Variants in PPARGC1A observed in about 807,000 individuals in gnomAD.
The protein encoded by PPARGC1A is peroxisome proliferator-activated receptor gamma coactivator 1-alpha.
Under a neutral mutation model 88.7 loss-of-function variants are expected in PPARGC1A, and 25 were observed. That is an observed-to-expected ratio of 0.28 (90% CI 0.21 to 0.39). PPARGC1A has a LOEUF of 0.39. Ranked by LOEUF, PPARGC1A falls within the 10% of genes least tolerant of loss-of-function variation. The probability of loss-of-function intolerance (pLI) is 1.00; values close to 1 mark genes in which losing one functional copy is unlikely to be tolerated. For synonymous variants in PPARGC1A, 363 were observed against 355.6 expected (o/e 1.02, Z -0.24); for missense variants, 880 against 968.7 (o/e 0.91, Z 1.22).
chr4:24,268,862 G>A, the PPARGC1A span, among the ~76,000 whole-genome samples: 13 of 152,052 alleles, frequency 8.5e-5, no homozygotes, highest in African/African-American at 1.4e-4. Context: ...TATTTAATCC[G>A]TACATATTTA....
chr4:24,235,736 G>A, the PPARGC1A span, among the ~76,000 whole-genome samples: 1 of 152,182 alleles, frequency 6.6e-6, no homozygotes, highest in East Asian at 1.9e-4. Context: ...TTAAGAAACA[G>A]AATGAATTGA....
chr4:24,456,263 T>C, the PPARGC1A span, among the ~76,000 whole-genome samples: 1 of 152,126 alleles, frequency 6.6e-6, no homozygotes, highest in Admixed American at 6.6e-5. Flanking sequence ...AGGGATGATA[T>C]CCACAGCACA....
At chr4:24,058,993 A>C in the PPARGC1A span, among the ~76,000 whole-genome samples, 1 of 152,170 alleles carries the variant, frequency 6.6e-6, no homozygotes. Context: ...AGAAGAAAAA[A>C]TGACTGTGTT....
At chr4:23,881,376 A>G (rs564136993) in intron 2 of PPARGC1A, 1 of 152,310 alleles carries the variant, frequency 6.6e-6, no homozygotes, top group Admixed American at 6.5e-5. Flanking sequence ...CAGTTACTCA[A>G]CCAACATGTG....
chr4:23,911,290 T>C, the PPARGC1A span, among the ~76,000 whole-genome samples: 3 of 152,196 alleles, frequency 2.0e-5, no homozygotes, highest in African/African-American at 7.2e-5. Flanking sequence ...ATGATCACCT[T>C]TGTCATCTTT....
chr4:24,307,817 C>T, the PPARGC1A span, among the ~76,000 whole-genome samples: 21 of 152,132 alleles, frequency 1.4e-4, no homozygotes, highest in African/African-American at 4.6e-4. Context: ...TTTCCACTAA[C>T]CTGCCCTGCT....
chr4:24,443,845 C>T, the PPARGC1A span, among the ~76,000 whole-genome samples: 135 of 149,996 alleles, frequency 9.0e-4, no homozygotes, highest in Admixed American at 1.5e-3. Flanking sequence ...TGAGCCACCG[C>T]GCCTGGCCCC....
At chr4:23,830,181 G>A (rs1270122083) in intron 3 of PPARGC1A, among the ~76,000 whole-genome samples, 2 of 152,148 alleles carry the variant, frequency 1.3e-5, no homozygotes, top group Non-Finnish European at 2.9e-5. Flanking sequence ...ATAACCTGGT[G>A]TATGAAATTA....
the PPARGC1A span, among the ~76,000 whole-genome samples, chr4:24,110,268 A>C: frequency 6.6e-6 from 1 of 152,156 alleles, no homozygotes; most frequent in Non-Finnish European, 1.5e-5. Flanking sequence ...GTAGTTTAAA[A>C]CACCACCAGA....
At chr4:24,436,819 G>A in the PPARGC1A span, among the ~76,000 whole-genome samples, 95 of 98,152 alleles carry the variant, frequency 9.7e-4, no homozygotes, top group African/African-American at 2.6e-3. Context: ...CCCAGAGCCC[G>A]GGTCACAGAG....
At chr4:24,135,432 C>G in the PPARGC1A span, among the ~76,000 whole-genome samples, 1 of 152,108 alleles carries the variant, frequency 6.6e-6, no homozygotes, top group African/African-American at 2.4e-5. Context: ...CACGGAGAGC[C>G]CTGGCAGGCC....
the PPARGC1A span, among the ~76,000 whole-genome samples, chr4:24,095,612 C>A: frequency 1.3e-5 from 2 of 152,150 alleles, no homozygotes; most frequent in African/African-American, 4.8e-5. Flanking sequence ...GGATTTCCAG[C>A]AACCACCAGA....
the PPARGC1A span, among the ~76,000 whole-genome samples, chr4:24,324,663 T>G: frequency 3.3e-5 from 5 of 152,176 alleles, no homozygotes; most frequent in African/African-American, 1.2e-4. Context: ...ACTTTCAATT[T>G]TTCCATCCTA....
At chr4:24,112,821 G>A in the PPARGC1A span, among the ~76,000 whole-genome samples, 8 of 152,054 alleles carry the variant, frequency 5.3e-5, no homozygotes, top group African/African-American at 1.4e-4. Flanking sequence ...AAAGAACGTC[G>A]AGACCCATCT....
the PPARGC1A span, among the ~76,000 whole-genome samples, chr4:23,987,536 G>A: frequency 4.6e-5 from 7 of 151,890 alleles, no homozygotes; most frequent in East Asian, 5.8e-4. Context: ...TGTCTCTATT[G>A]CCTTAGGGGT....
chr4:24,275,223 CGTTT>C, the PPARGC1A span, among the ~76,000 whole-genome samples: 634 of 63,788 alleles, frequency 9.9e-3, 4 homozygotes, highest in African/African-American at 0.032. Flanking sequence ...TATTTAAATA[CGTTT>C]ACTTACACAC....
the PPARGC1A span, among the ~76,000 whole-genome samples, chr4:24,213,583 C>T: frequency 2.6e-4 from 39 of 152,282 alleles, no homozygotes; most frequent in African/African-American, 7.7e-4. Flanking sequence ...TATGACATTG[C>T]GGCCTTTTTC....
the PPARGC1A span, among the ~76,000 whole-genome samples, chr4:24,305,571 G>A: frequency 6.6e-6 from 1 of 152,178 alleles, no homozygotes. Context: ...CCAGCACTTT[G>A]GGAAGCCGAG....
the PPARGC1A span, among the ~76,000 whole-genome samples, chr4:24,046,614 A>G: frequency 6.6e-6 from 1 of 152,118 alleles, no homozygotes; most frequent in South Asian, 2.1e-4. Context: ...GATCTTTAGT[A>G]TGTCCTGTGT....
Sources: gnomAD v4.1 joint callset for allele counts (sites outside exome capture counted in the v4.1 genomes callset) on GRCh38, gnomAD v4.1.1 for gene constraint, MANE v1.5 for transcripts, NCBI Gene and HGNC (gene_info 2026-07-23, HGNC 2026-07-21) for gene names.